The following PRKG1 variants were observed in gnomAD, a reference collection of about 807,000 sequenced individuals.
PRKG1 encodes cGMP-dependent protein kinase 1.
A neutral mutation model predicts 88.1 loss-of-function variants in PRKG1; 35 were observed. That is an observed-to-expected ratio of 0.40 (90% CI 0.30 to 0.53). The LOEUF (loss-of-function observed/expected upper bound fraction) is 0.53, where lower values mean the gene tolerates loss of function less well. PRKG1 is among the 20% of genes least tolerant of loss of function. The pLI is 0.59. For synonymous variants in PRKG1, 303 were observed against 292.5 expected, an observed-to-expected ratio of 1.04 and a Z score of -0.37; for missense variants, 540 against 839.8, an observed-to-expected ratio of 0.64 and a Z score of 4.41.
chr10:51,284,970 G>A (rs1367258620), intron 2 of PRKG1, among the ~76,000 whole-genome samples: 1 of 131,228 alleles, frequency 7.6e-6, no homozygotes, highest in Non-Finnish European at 1.6e-5. Flanking sequence ...ATGTATACAT[G>A]TGCCATGCTG....
chr10:52,110,119 C>T (rs981978602), intron 7 of PRKG1, among the ~76,000 whole-genome samples: 2 of 151,822 alleles, frequency 1.3e-5, no homozygotes, highest in South Asian at 2.1e-4. Context: ...GAGGCCGAGG[C>T]GGGCGGATCA....
At chr10:51,303,647 T>C (rs1404971430) in intron 2 of PRKG1, among the ~76,000 whole-genome samples, 3 of 152,080 alleles carry the variant, frequency 2.0e-5, no homozygotes, top group African/African-American at 7.2e-5. Context: ...AAATACATTC[T>C]TACTTTTTGG....
intron 4 of PRKG1, among the ~76,000 whole-genome samples, chr10:51,874,771 T>C (rs936986066): frequency 6.6e-6 from 1 of 152,218 alleles, no homozygotes; most frequent in Non-Finnish European, 1.5e-5. Context: ...TACAGACTTC[T>C]ATCACTTACC....
chr10:51,680,630 A>C (rs1840827695), intron 3 of PRKG1, among the ~76,000 whole-genome samples: 1 of 152,240 alleles, frequency 6.6e-6, no homozygotes, highest in African/African-American at 2.4e-5. Flanking sequence ...GAAAACTTCC[A>C]TGATGACTTA....
chr10:51,411,201 A>G (rs944042514), intron 2 of PRKG1, among the ~76,000 whole-genome samples: 3 of 152,124 alleles, frequency 2.0e-5, no homozygotes, highest in Non-Finnish European at 4.4e-5. Context: ...AGGTTTCACC[A>G]TGTTGGCCAG....
At chr10:51,492,245 A>G (rs1840724644) in intron 3 of PRKG1, among the ~76,000 whole-genome samples, 2 of 152,162 alleles carry the variant, frequency 1.3e-5, no homozygotes, top group African/African-American at 4.8e-5. Context: ...ATGTCTCTTC[A>G]TGTTTGCAGA....
intron 3 of PRKG1, among the ~76,000 whole-genome samples, chr10:51,745,183 TG>T (rs1419732162): frequency 6.6e-6 from 1 of 152,250 alleles, no homozygotes; most frequent in African/African-American, 2.4e-5. Flanking sequence ...TTTAAATATA[TG>T]GTTTTTAAGA....
intron 2 of PRKG1, among the ~76,000 whole-genome samples, chr10:51,375,193 A>C (rs986129355): frequency 6.6e-6 from 1 of 152,232 alleles, no homozygotes; most frequent in African/African-American, 2.4e-5. Context: ...TCTATCTGCT[A>C]CTGTAAGTTA....
At chr10:51,017,471 A>G (rs967245437) in intron 1 of PRKG1, among the ~76,000 whole-genome samples, 2 of 152,224 alleles carry the variant, frequency 1.3e-5, no homozygotes, top group Non-Finnish European at 2.9e-5. Flanking sequence ...AATGAAAATA[A>G]GATAATGTAT....
At chr10:52,270,641 G>A (rs951022354) in intron 10 of PRKG1, among the ~76,000 whole-genome samples, 3 of 143,692 alleles carry the variant, frequency 2.1e-5, no homozygotes, top group East Asian at 4.3e-4. Flanking sequence ...AACACCGCAT[G>A]TTCTCACTCA....
At chr10:52,176,360 G>C (rs1466105779) in intron 9 of PRKG1, among the ~76,000 whole-genome samples, 1 of 151,618 alleles carries the variant, frequency 6.6e-6, no homozygotes, top group Non-Finnish European at 1.5e-5. Flanking sequence ...CTCTAGTCTG[G>C]TCTATTTTTT....
chr10:51,243,806 G>A (rs887066108), intron 2 of PRKG1, among the ~76,000 whole-genome samples: 29 of 152,288 alleles, frequency 1.9e-4, no homozygotes, highest in African/African-American at 6.5e-4. Flanking sequence ...TACTCCTAGA[G>A]AAGCAGGGCT....
Position 51,726,265 on chromosome 10 carries a change from G to A in PRKG1, c.593-78320G>A, listed in dbSNP as rs558912349. 2.0e-5 allele frequency among the ~76,000 whole-genome samples: 3 copies of A among 152,072 alleles called. No individual in the cohort carries two copies. In the South Asian group the frequency reaches 6.2e-4, roughly 32 times the overall value. On this transcript the variant is annotated intron_variant, in intron 3 of 17. Coordinates refer to ENST00000373980, the MANE Select transcript of PRKG1 (RefSeq NM_006258.4). ...TTAGTTTTGCATCCTTTCTAATACT[G>A]GAGGCATACATTTTGTAAAGACTTT...
Position 51,176,386 on chromosome 10 carries a change from T to C in PRKG1, c.478+23056T>C, listed in dbSNP as rs568576374. 3.3e-5 allele frequency among the ~76,000 whole-genome samples: 5 copies of C among 152,216 alleles called. No homozygotes were observed. The South Asian group carries it at 1.0e-3, about 32-fold the overall frequency. ...TCTAAGAGATAGCTGGTTCAGTCAATTTATTCAACAGACATTTAGCATATA... is the reference window on the plus strand; with the variant it reads ...TCTAAGAGATAGCTGGTTCAGTCAACTTATTCAACAGACATTTAGCATATA... On this transcript the variant is annotated intron_variant, in intron 2 of 17. Coordinates refer to ENST00000373980, the MANE Select transcript of PRKG1 (RefSeq NM_006258.4).
At chr10:51,802,912 A>G (rs1006601951) in intron 3 of PRKG1, among the ~76,000 whole-genome samples, 6 of 152,102 alleles carry the variant, frequency 3.9e-5, no homozygotes, top group Non-Finnish European at 8.8e-5. Flanking sequence ...CAGCAACACT[A>G]CGGAAAGCTC....
Position 51,902,209 on chromosome 10 carries a change from C to T in PRKG1, c.699-5298C>T, listed in dbSNP as rs551365770. ...TCAGCTCACCGCAACTTCTGCCTCC[C>T]GGGTTCAAGCAATTCTCCTGCCTCA... On this transcript the variant is annotated intron_variant, in intron 4 of 17. Transcript: ENST00000373980. Among the ~76,000 whole-genome samples, 4 of 152,194 alleles carry T rather than the reference C, an allele frequency of 2.6e-5. No homozygotes were observed. The East Asian group carries it at 5.8e-4, about 22-fold the overall frequency.
chr10:50,999,602 G>C (rs80144714), intron 1 of PRKG1, among the ~76,000 whole-genome samples: 1 of 151,976 alleles, frequency 6.6e-6, no homozygotes, highest in African/African-American at 2.4e-5. Context: ...AACCTTATAG[G>C]GTTCTAAAAA....
chr10:51,724,550 T>A (rs1842086429), intron 3 of PRKG1, among the ~76,000 whole-genome samples: 1 of 152,264 alleles, frequency 6.6e-6, no homozygotes, highest in South Asian at 2.1e-4. Context: ...TTTTGAATAA[T>A]GATGATTATT....
At chr10:52,008,852 T>A (rs1487589392) in intron 5 of PRKG1, among the ~76,000 whole-genome samples, 2 of 152,152 alleles carry the variant, frequency 1.3e-5, no homozygotes, top group Non-Finnish European at 2.9e-5. Flanking sequence ...GTAGGCTTTA[T>A]CCTTGGGATG....
Sources: allele counts gnomAD v4.1 joint callset (sites outside exome capture counted in the v4.1 genomes callset), GRCh38; gene constraint gnomAD v4.1.1; transcripts MANE v1.5; gene names NCBI Gene and HGNC (gene_info 2026-07-23, HGNC 2026-07-21).